STXBP6: variants seen among roughly 807,000 people sequenced by gnomAD.
STXBP6 encodes syntaxin-binding protein 6.
Under a neutral mutation model 26.9 loss-of-function variants are expected in STXBP6, and 21 were observed. The ratio of observed to expected loss-of-function variants is 0.78; its 90% confidence interval spans 0.55 to 1.12. STXBP6 has a LOEUF of 1.12. Ranked by LOEUF, STXBP6 falls within the 50% of genes most tolerant of loss-of-function variation. The pLI, the probability that STXBP6 is intolerant of heterozygous loss-of-function variation, is 0.00. For missense variants in STXBP6, 232 were observed against 257.9 expected, an observed-to-expected ratio of 0.90 and a Z score of 0.69; for synonymous variants, 97 against 92.6, an observed-to-expected ratio of 1.05 and a Z score of -0.27.
chr14:24,884,723 G>T (rs1810574684), intron 2 of STXBP6, among the ~76,000 whole-genome samples: 1 of 152,012 alleles, frequency 6.6e-6, no homozygotes, highest in Non-Finnish European at 1.5e-5. Context: ...CACATATTCA[G>T]TAAAGCATAT....
At chr14:24,898,143 T>C (rs946659032) in intron 2 of STXBP6, among the ~76,000 whole-genome samples, 3 of 152,172 alleles carry the variant, frequency 2.0e-5, no homozygotes, top group Admixed American at 6.5e-5. Context: ...AAAAATGTTC[T>C]TTGCTAGAGA....
At chr14:24,931,027 C>T (rs1226465789) in intron 2 of STXBP6, among the ~76,000 whole-genome samples, 61 of 133,118 alleles carry the variant, frequency 4.6e-4, no homozygotes, top group African/African-American at 1.6e-3. Context: ...AGGAGAATGG[C>T]GTGAACCCGG....
intron 2 of STXBP6, among the ~76,000 whole-genome samples, chr14:24,864,775 T>C (rs2069662040): frequency 6.6e-6 from 1 of 152,202 alleles, no homozygotes. Flanking sequence ...ATTACCGCTA[T>C]CAGTCAAGCA....
intron 2 of STXBP6, among the ~76,000 whole-genome samples, chr14:24,933,978 C>T (rs865985894): frequency 2.6e-5 from 4 of 151,592 alleles, no homozygotes; most frequent in African/African-American, 9.7e-5. Flanking sequence ...AATTCCTAGA[C>T]AAAGCAATGA....
intron 2 of STXBP6, among the ~76,000 whole-genome samples, chr14:24,972,950 T>A (rs2073942751): frequency 6.6e-6 from 1 of 151,986 alleles, no homozygotes; most frequent in Admixed American, 6.6e-5. Flanking sequence ...GAACTCATCT[T>A]TACAAAAAAA....
chr14:24,866,240 A>G (rs2069715537), intron 2 of STXBP6, among the ~76,000 whole-genome samples: 1 of 152,124 alleles, frequency 6.6e-6, no homozygotes, highest in Non-Finnish European at 1.5e-5. Flanking sequence ...TTGTACTGCA[A>G]TACTGGCTCC....
Position 25,049,435 on chromosome 14 carries a change from T to C in STXBP6, c.-33+443A>G, listed in dbSNP as rs2075771786. On this transcript the variant is annotated intron_variant, in intron 1 of 5. Coordinates refer to ENST00000323944, the MANE Select transcript of STXBP6 (RefSeq NM_001394410.1). The surrounding 1 kb of genome is among the most constrained non-coding windows in gnomAD (Gnocchi z 5.6). ...CCAGAGTTCGCGAAGATCGGAGTGATTCGCGGATTTCTGCGCTCAAGCTAG... is the reference window on the plus strand; with the variant it reads ...CCAGAGTTCGCGAAGATCGGAGTGACTCGCGGATTTCTGCGCTCAAGCTAG... 1.0e-6 allele frequency: 1 copy of C among 985,348 alleles called. No individual in the cohort carries two copies. The allele number at this position is 985,348 out of a possible 1,614,324, so 61.0% of individuals were successfully genotyped here. A position where few individuals can be genotyped will look rare whatever the true frequency, so the allele number is the denominator to read the frequency against.
At chr14:24,968,721 T>C (rs189492049) in intron 2 of STXBP6, among the ~76,000 whole-genome samples, 112 of 152,230 alleles carry the variant, frequency 7.4e-4, no homozygotes, top group South Asian at 2.5e-3. Context: ...TACTCTGAAT[T>C]TTTCAACTGA....
At chr14:24,928,392 G>C (rs200644422) in intron 2 of STXBP6, among the ~76,000 whole-genome samples, 1 of 150,384 alleles carries the variant, frequency 6.6e-6, no homozygotes, top group Non-Finnish European at 1.5e-5. Flanking sequence ...CTTTTTTTTT[G>C]TTTTTTTCCT....
At chr14:24,923,403 A>G (rs78337747) in intron 2 of STXBP6, among the ~76,000 whole-genome samples, 2,637 of 152,268 alleles carry the variant, frequency 0.017, 55 homozygotes, top group African/African-American at 0.059. Context: ...TCACAGTTAC[A>G]TTCAAGTTTT....
chr14:24,944,639 A>T (rs1312922682), intron 2 of STXBP6, among the ~76,000 whole-genome samples: 1 of 152,152 alleles, frequency 6.6e-6, no homozygotes, highest in African/African-American at 2.4e-5. Flanking sequence ...GTTGTTAATG[A>T]GTTTTAAACC....
chr14:24,924,665 ATGTATGT>A (rs1256503218), intron 2 of STXBP6, among the ~76,000 whole-genome samples: 1 of 152,146 alleles, frequency 6.6e-6, no homozygotes, highest in Non-Finnish European at 1.5e-5. Context: ...TAAGGCAAGC[ATGTATGT>A]ACCTCCTGTT....
At chr14:24,820,210 A>C (rs1446076874) in intron 4 of STXBP6, among the ~76,000 whole-genome samples, 1 of 152,216 alleles carries the variant, frequency 6.6e-6, no homozygotes, top group Non-Finnish European at 1.5e-5. Context: ...TTATTACATC[A>C]TTTAACTTTG....
At chr14:24,931,819 A>C (rs905332640) in intron 2 of STXBP6, among the ~76,000 whole-genome samples, 3 of 152,170 alleles carry the variant, frequency 2.0e-5, no homozygotes, top group Non-Finnish European at 4.4e-5. Context: ...GTGATCCAGG[A>C]GGTGGTACTG....
At chr14:24,874,046 A>G (rs2070041587) in intron 2 of STXBP6, among the ~76,000 whole-genome samples, 1 of 152,188 alleles carries the variant, frequency 6.6e-6, no homozygotes, top group Non-Finnish European at 1.5e-5. Flanking sequence ...ATCACAAACT[A>G]AAGTTAGTAT....
chr14:24,971,557 C>A (rs964305581), intron 2 of STXBP6, among the ~76,000 whole-genome samples: 2 of 148,190 alleles, frequency 1.3e-5, no homozygotes, highest in Admixed American at 1.3e-4. Flanking sequence ...ACTTCACAGA[C>A]TCCTATGAGA....
At chr14:25,030,271 C>G (rs1411695479) in intron 1 of STXBP6, among the ~76,000 whole-genome samples, 1 of 152,178 alleles carries the variant, frequency 6.6e-6, no homozygotes, top group African/African-American at 2.4e-5. Flanking sequence ...TCACAGCATC[C>G]AGGACAGTAC....
chr14:25,028,872 CTTTGAA>C (rs1456071904), intron 1 of STXBP6, among the ~76,000 whole-genome samples: 5 of 152,070 alleles, frequency 3.3e-5, no homozygotes, highest in African/African-American at 1.2e-4. Context: ...TCATAAATGA[CTTTGAA>C]GGGTTCAAGA....
At chr14:25,011,982 G>GT (rs1468634734) in intron 1 of STXBP6, among the ~76,000 whole-genome samples, 2 of 152,168 alleles carry the variant, frequency 1.3e-5, no homozygotes, top group Non-Finnish European at 2.9e-5. Context: ...AGTACTGGCT[G>GT]TTTTTTGTTT....
Sources: allele counts gnomAD v4.1 joint callset (sites outside exome capture counted in the v4.1 genomes callset), GRCh38; gene constraint gnomAD v4.1.1; non-coding constraint Gnocchi (gnomAD v3.1); transcripts MANE v1.5; gene names NCBI Gene and HGNC (gene_info 2026-07-23, HGNC 2026-07-21).